The following LGR6 variants were observed in gnomAD, a reference collection of about 807,000 sequenced individuals.
The protein encoded by LGR6 is leucine rich repeat containing G protein-coupled receptor 6, also known as leucine-rich repeat-containing G protein-coupled receptor 6.
Under a neutral mutation model 69.4 loss-of-function variants are expected in LGR6, and 45 were observed. The observed-to-expected ratio is 0.65, with a 90% CI of 0.51 to 0.83. The LOEUF (loss-of-function observed/expected upper bound fraction) is 0.83. Among genes scored for constraint, LGR6 ranks in the 40% least tolerant of loss-of-function variants. The pLI is 0.00. For missense variants in LGR6, 1,108 were observed against 1,246.7 expected, an observed-to-expected ratio of 0.89 and a Z score of 1.68; for synonymous variants, 538 against 555.0, an observed-to-expected ratio of 0.97 and a Z score of 0.43.
In LGR6 at chr1:202,319,146, G is replaced by A; in HGVS notation, c.2843G>A (p.Gly948Glu). ...GCAGAGGGATCTACGCCAGCAGGTGGAGGCTTGTCAGGGGGTGGCGGCTTT... is the reference window on the plus strand; with the variant it reads ...GCAGAGGGATCTACGCCAGCAGGTGAAGGCTTGTCAGGGGGTGGCGGCTTT... Reference protein sequence around the residue: ...LRAEGSTPAGGGLSGGGGFQP... With the variant: ...LRAEGSTPAGEGLSGGGGFQP... The change falls in exon 18 of 18, where the codon GGA (glycine) becomes GAA (glutamate). Residue 948 changes from glycine (G) to glutamate (E), a missense_variant. By Grantham distance (98) the Gly-to-Glu change is moderately conservative (BLOSUM62 -2). Transcript: ENST00000367278. 6.2e-7 allele frequency: 1 copy of A among 1,614,030 alleles called. No individual in the cohort carries two copies. The highest frequency in any genetic ancestry group is 8.5e-7 in the Non-Finnish European group (1 of 1,179,926).
At chr1:202,217,669 C>T (rs1035911640) in intron 1 of LGR6, among the ~76,000 whole-genome samples, 16 of 152,036 alleles carry the variant, frequency 1.1e-4, no homozygotes, top group African/African-American at 3.4e-4. Flanking sequence ...TCACAAATAA[C>T]CCCCCACTCC....
intron 4 of LGR6, among the ~76,000 whole-genome samples, chr1:202,251,058 G>C (rs990502206): frequency 3.3e-5 from 5 of 152,208 alleles, no homozygotes; most frequent in Non-Finnish European, 5.9e-5. Flanking sequence ...ATAGCAGACA[G>C]AGCTGAGAGG....
At chr1:202,289,784 A>G (rs1318037638) in intron 6 of LGR6, among the ~76,000 whole-genome samples, 3 of 152,214 alleles carry the variant, frequency 2.0e-5, no homozygotes, top group Non-Finnish European at 2.9e-5. Context: ...TAAGACATGT[A>G]TTCATTGTGC....
chr1:202,252,913 G>A (rs1003342164), intron 4 of LGR6, among the ~76,000 whole-genome samples: 1 of 152,256 alleles, frequency 6.6e-6, no homozygotes, highest in Non-Finnish European at 1.5e-5. Flanking sequence ...GCCAAGCATT[G>A]TGTCAGGCAC....
chr1:202,251,580 A>G (rs1164123703), intron 4 of LGR6, among the ~76,000 whole-genome samples: 3 of 151,616 alleles, frequency 2.0e-5, no homozygotes, highest in Non-Finnish European at 4.4e-5. Context: ...CCCAGGCAGG[A>G]CTCCCCCAGC....
intron 4 of LGR6, among the ~76,000 whole-genome samples, chr1:202,270,246 T>TA (rs1558051068): frequency 1.1e-4 from 16 of 148,594 alleles, no homozygotes; most frequent in African/African-American, 3.9e-4. Flanking sequence ...TTTTTGCTTT[T>TA]GTTTTTTTTT....
At chr1:202,248,934 C>T (rs997249499) in intron 4 of LGR6, among the ~76,000 whole-genome samples, 1 of 152,064 alleles carries the variant, frequency 6.6e-6, no homozygotes, top group African/African-American at 2.4e-5. Flanking sequence ...TCCTGGGAGC[C>T]GAGGCACCAC....
chr1:202,253,967 G>A (rs1346473410), intron 4 of LGR6, among the ~76,000 whole-genome samples: 6 of 150,820 alleles, frequency 4.0e-5, no homozygotes, highest in East Asian at 3.9e-4. Flanking sequence ...CACTACGCCC[G>A]GCTAATTTTT....
intron 6 of LGR6, among the ~76,000 whole-genome samples, chr1:202,292,779 A>G (rs987684578): frequency 1.7e-4 from 26 of 152,362 alleles, no homozygotes; most frequent in African/African-American, 4.3e-4. Context: ...TGCTTGCCAC[A>G]TGTTGCTACT....
intron 16 of LGR6, among the ~76,000 whole-genome samples, chr1:202,313,071 C>T (rs1205598090): frequency 2.0e-5 from 3 of 150,596 alleles, no homozygotes; most frequent in African/African-American, 7.3e-5. Context: ...TAAAAAAATA[C>T]AAAAAATTAG....
rs368634071 is a variant in LGR6 at position 202,306,578 on chromosome 1, TG to T, written c.1137-285del. Among the ~76,000 whole-genome samples, 427 of 152,134 alleles carry T rather than the reference TG, an allele frequency of 2.8e-3. 3 individuals carry two copies. The highest frequency in any genetic ancestry group is 9.4e-3 in the African/African-American group (389 of 41,490). ...GGAGGACCCATGGTGATGGGAGGTG[TG>T]GGGGCCAGTTTGGCTGGGCTGGGAG... is the stretch of plus-strand genomic sequence containing the variant. On this transcript the variant is annotated intron_variant, in intron 12 of 17. Coordinates refer to ENST00000367278, the MANE Select transcript of LGR6 (RefSeq NM_001017403.2).
intron 16 of LGR6, among the ~76,000 whole-genome samples, chr1:202,314,440 A>G (rs1463213017): frequency 6.6e-6 from 1 of 152,238 alleles, no homozygotes; most frequent in African/African-American, 2.4e-5. Context: ...GTGACAGCCC[A>G]GCCAGAGTAG....
chr1:202,197,522 C>G (rs188016718), intron 1 of LGR6: 1 of 520,268 alleles, frequency 1.9e-6, no homozygotes, highest in African/African-American at 1.9e-5. Context: ...GGAAATAGAC[C>G]AAGAGGGAGA....
intron 4 of LGR6, among the ~76,000 whole-genome samples, chr1:202,248,408 C>G (rs1404335404): frequency 6.6e-6 from 1 of 152,202 alleles, no homozygotes. Flanking sequence ...ACCACTGCAA[C>G]CAGATGGCTC....
intron 1 of LGR6, among the ~76,000 whole-genome samples, chr1:202,221,663 T>C (rs1046981963): frequency 6.6e-6 from 1 of 152,156 alleles, no homozygotes; most frequent in Non-Finnish European, 1.5e-5. Flanking sequence ...GATAAACACA[T>C]GTGCCCTCAC....
At chr1:202,267,417 A>C (rs941029245) in intron 4 of LGR6, among the ~76,000 whole-genome samples, 1 of 152,200 alleles carries the variant, frequency 6.6e-6, no homozygotes, top group African/African-American at 2.4e-5. Context: ...CAGCCCCCTA[A>C]GGGCCTCGGC....
rs533470991 is a variant in LGR6, at chr1:202,219,276, T to TC, written c.213-6145dup. Among the ~76,000 whole-genome samples, 208 of 152,326 alleles carry TC rather than the reference T, an allele frequency of 1.4e-3. No homozygotes were observed. The Middle Eastern group carries it at 0.017, about 12-fold the overall frequency. On this transcript the variant is annotated intron_variant, in intron 1 of 17. Transcript: ENST00000367278. ...GCTCCTTGCCAAACCACGAGCTGTCTCCTGCCATGGCAGGATATGTGCCCG... is the reference window on the plus strand; with the variant it reads ...GCTCCTTGCCAAACCACGAGCTGTCTCCCTGCCATGGCAGGATATGTGCCCG...
chr1:202,287,952 T>A (rs1666516859), intron 6 of LGR6, among the ~76,000 whole-genome samples: 1 of 152,042 alleles, frequency 6.6e-6, no homozygotes, highest in African/African-American at 2.4e-5. Context: ...ACAAATCAGG[T>A]CATGTTACTT....
chr1:202,215,359 T>G (rs1461120121), intron 1 of LGR6, among the ~76,000 whole-genome samples: 3 of 152,318 alleles, frequency 2.0e-5, no homozygotes, highest in Admixed American at 2.0e-4. Flanking sequence ...AGCTCAGGGA[T>G]TTCCATGCGA....
Sources: allele counts gnomAD v4.1 joint callset (sites outside exome capture counted in the v4.1 genomes callset), GRCh38; gene constraint gnomAD v4.1.1; transcripts MANE v1.5; gene names NCBI Gene and HGNC (gene_info 2026-07-23, HGNC 2026-07-21).